Variants in ABCA13 observed in about 807,000 individuals in gnomAD.
ABCA13 encodes the protein ATP binding cassette subfamily A member 13, also known as ATP-binding cassette sub-family A member 13.
In ABCA13, 476 loss-of-function variants were observed where a neutral mutation model predicts 478.7. That is an observed-to-expected ratio of 0.99 (90% CI 0.92 to 1.07). ABCA13 has a LOEUF of 1.07. Among genes scored for constraint, ABCA13 ranks in the 50% least tolerant of loss-of-function variants. ABCA13 has a pLI of 0.00. For missense variants in ABCA13, 6,060 were observed against 5,910.6 expected, an observed-to-expected ratio of 1.03 and a Z score of -0.83; for synonymous variants, 2,252 against 2,158.9, an observed-to-expected ratio of 1.04 and a Z score of -1.20.
chr7:48,301,972 G>A (rs1333458393), intron 23 of ABCA13, among the ~76,000 whole-genome samples: 1 of 152,174 alleles, frequency 6.6e-6, no homozygotes, highest in Non-Finnish European at 1.5e-5. Flanking sequence ...TACCTTATTT[G>A]CTCATTAGGA....
At chr7:48,544,999 C>T (rs1784692742) in intron 55 of ABCA13, among the ~76,000 whole-genome samples, 1 of 151,918 alleles carries the variant, frequency 6.6e-6, no homozygotes, top group Non-Finnish European at 1.5e-5. Context: ...CACATTTGGT[C>T]ACAGAAGTCT....
chr7:48,213,651 T>G lies in ABCA13; in HGVS notation c.288-5703T>G, dbSNP rs1436666036. Among the ~76,000 whole-genome samples, 5 of 152,352 alleles carry G rather than the reference T, an allele frequency of 3.3e-5. No individual in the cohort carries two copies. The East Asian group carries it at 9.7e-4, about 29-fold the overall frequency. On this transcript the variant is annotated intron_variant, in intron 3 of 61. Transcript: ENST00000435803. Reference sequence around the variant, plus strand: ...TGAAAGATTTCTCTGTAGCATATGATGCTGTTTTATAGCATTTACTTACAG... The same window carrying G: ...TGAAAGATTTCTCTGTAGCATATGAGGCTGTTTTATAGCATTTACTTACAG...
At chr7:48,252,850 T>C (rs1195465139) in intron 15 of ABCA13, among the ~76,000 whole-genome samples, 2 of 152,218 alleles carry the variant, frequency 1.3e-5, no homozygotes, top group African/African-American at 2.4e-5. Context: ...GAATCATTCA[T>C]GTTACTCTGT....
intron 26 of ABCA13, among the ~76,000 whole-genome samples, chr7:48,315,672 G>T (rs1399648410): frequency 3.3e-5 from 5 of 152,014 alleles, no homozygotes; most frequent in African/African-American, 7.2e-5. Context: ...TAGAGACGGG[G>T]TTTCACCGTG....
chr7:48,207,949 G>A (rs1209438502), intron 3 of ABCA13, among the ~76,000 whole-genome samples: 1 of 152,056 alleles, frequency 6.6e-6, no homozygotes, highest in Non-Finnish European at 1.5e-5. Context: ...TTAGATTTAA[G>A]TCTTTAATCA....
At chr7:48,297,487 A>G (rs1461572331) in intron 22 of ABCA13, among the ~76,000 whole-genome samples, 176 bp downstream of exon 22, 3 of 152,190 alleles carry the variant, frequency 2.0e-5, no homozygotes, top group African/African-American at 7.2e-5. Context: ...CTGAAATCCT[A>G]GGGTACCATG....
chr7:48,392,025 G>T lies in ABCA13; in HGVS notation c.11759G>T (p.Cys3920Phe). Residue 3920 changes from cysteine to phenylalanine, a missense_variant, in exon 38 of 62, where the codon TGT becomes TTT. Cys to Phe is a radical substitution (Grantham distance 205). Transcript: ENST00000435803. ...AGGGTCAGAATGGAGCTTGGTGTGT[G>T]TCCGCAGCAGGACATCCTGTTGGAC... ...LSRVRMELGVCPQQDILLDNL... is the reference protein window; with the variant it reads ...LSRVRMELGVFPQQDILLDNL... 1 of 1,614,004 alleles carries T rather than the reference G, an allele frequency of 6.2e-7. No homozygotes were observed. The highest frequency in any genetic ancestry group is 8.5e-7 in the Non-Finnish European group (1 of 1,179,880).
intron 51 of ABCA13, among the ~76,000 whole-genome samples, chr7:48,514,273 A>C (rs1363882386): frequency 6.6e-6 from 1 of 152,150 alleles, no homozygotes; most frequent in Non-Finnish European, 1.5e-5. Flanking sequence ...AGCTTTACCT[A>C]AACTCCCCTA....
intron 58 of ABCA13, chr7:48,611,985 A>G (rs1792069809): frequency 6.6e-6 from 1 of 152,220 alleles, no homozygotes; most frequent in Non-Finnish European, 1.5e-5. Context: ...CTTCATGCTA[A>G]GCAACTATAA....
At chr7:48,293,931 C>T (rs1798948470) in intron 20 of ABCA13, among the ~76,000 whole-genome samples, 1 of 152,176 alleles carries the variant, frequency 6.6e-6, no homozygotes, top group African/African-American at 2.4e-5. Flanking sequence ...GTGGACAGAA[C>T]AGGAGCCTCT....
In ABCA13 at chr7:48,249,312, T is replaced by C. The variant is rs374205884; in HGVS notation, c.1966T>C (p.Tyr656His). Residue 656 changes from tyrosine to histidine, a missense_variant, in exon 15 of 62, where the codon TAT becomes CAT. By Grantham distance (83) the Tyr-to-His change is moderately conservative. Transcript: ENST00000435803. ...CAGGAAGACTTGCGAAGTGGCCCAA[T>C]ATGTAAATATGCAAGAGAGTTTCCA... The part of the protein sequence containing the change: ...FIRKTCEVAQ[Y>H]VNMQESFQNR... 1.2e-6 allele frequency: 2 copies of C among 1,613,182 alleles called. No individual in the cohort carries two copies. The highest frequency in any genetic ancestry group is 1.7e-6 in the Non-Finnish European group (2 of 1,179,462).
rs149035148 is a variant in ABCA13, at chr7:48,625,228, T to C, written c.14837+9851T>C. On this transcript the variant is annotated intron_variant, in intron 59 of 61. Transcript: ENST00000435803. The stretch of plus-strand genomic sequence containing the variant: ...TTAGTGTGGCAACTTTGACTTAATA[T>C]ATCTATAAACCATTACTATAATCAT... Among the ~76,000 whole-genome samples, 3 of 152,344 alleles carry C rather than the reference T, an allele frequency of 2.0e-5. No individual in the cohort carries two copies. The East Asian group carries it at 5.8e-4, about 29-fold the overall frequency.
At chr7:48,330,560 C>T (rs1441720818) in intron 27 of ABCA13, among the ~76,000 whole-genome samples, 1 of 144,824 alleles carries the variant, frequency 6.9e-6, no homozygotes, top group Non-Finnish European at 1.5e-5. Context: ...AATCCATCCA[C>T]ACATCCATCC....
At chr7:48,329,433 C>T (rs552238569) in intron 27 of ABCA13, among the ~76,000 whole-genome samples, 83 of 152,254 alleles carry the variant, frequency 5.5e-4, no homozygotes, top group African/African-American at 1.9e-3. Context: ...GTGTTAGCAT[C>T]CTAGGGGGCT....
chr7:48,313,012 G>A, intron 24 of ABCA13, 55 bp from the exon 25 acceptor site: 4 of 1,463,704 alleles, frequency 2.7e-6, no homozygotes, highest in Non-Finnish European at 3.6e-6. Context: ...GCTTCTGAGT[G>A]TAAAAATACA....
rs769861874 is a variant in ABCA13, at chr7:48,392,104, G to C, written c.11838G>C (p.Gln3946His). ...TCTTTGCTTCCATAAAGGCGCCTCAGTGGACCAAGAAGGAGCTGCATCAGC... is the reference window on the plus strand; with the variant it reads ...TCTTTGCTTCCATAAAGGCGCCTCACTGGACCAAGAAGGAGCTGCATCAGC... The part of the protein sequence containing the change: ...LLLFASIKAP[Q>H]WTKKELHQQV... The change falls in exon 38 of 62, where the codon CAG becomes CAC. Residue 3946 changes from glutamine (Q) to histidine (H), a missense_variant. Physicochemically the swap from Gln to His is conservative, Grantham distance 24. Around this residue, in one of 3 missense-constraint regions of ABCA13, gnomAD observed 1,627 missense variants for 1,571.0 expected, o/e 1.04. Coordinates refer to ENST00000435803, the MANE Select transcript of ABCA13 (RefSeq NM_152701.5). The C allele has an allele frequency of 6.2e-7, 1 of 1,613,932 alleles. No individual in the cohort carries two copies. Among genetic ancestry groups the C allele is most frequent in the South Asian group, 1.1e-5 (1 of 91,082 alleles).
chr7:48,410,901 A>G (rs1232264322), intron 40 of ABCA13, among the ~76,000 whole-genome samples: 1 of 152,236 alleles, frequency 6.6e-6, no homozygotes, highest in Non-Finnish European at 1.5e-5. Flanking sequence ...AGTCAGAATT[A>G]CCTGATAGAT....
At chr7:48,469,349 C>G (rs1167222251) in intron 44 of ABCA13, among the ~76,000 whole-genome samples, 1 of 152,050 alleles carries the variant, frequency 6.6e-6, no homozygotes, top group Non-Finnish European at 1.5e-5. Flanking sequence ...AAAGTTGAGG[C>G]CATGGATCAG....
chr7:48,211,630 G>C (rs1337305397), intron 3 of ABCA13, among the ~76,000 whole-genome samples: 1 of 152,006 alleles, frequency 6.6e-6, no homozygotes, highest in Non-Finnish European at 1.5e-5. Flanking sequence ...CTACTTCCTG[G>C]CTGCTGCTGA....
Sources: gnomAD v4.1 joint callset for allele counts (sites outside exome capture counted in the v4.1 genomes callset) on GRCh38, gnomAD v4.1.1 for gene constraint, gnomAD v4.1.1 regional missense constraint, MANE v1.5 for transcripts, NCBI Gene and HGNC (gene_info 2026-07-23, HGNC 2026-07-21) for gene names.